The following KCNMB2 variants were observed in gnomAD, a reference collection of about 807,000 sequenced individuals.
The protein encoded by KCNMB2 is calcium-activated potassium channel subunit beta-2.
In KCNMB2, 9 loss-of-function variants were observed where a neutral mutation model predicts 24.5. The ratio of observed to expected loss-of-function variants is 0.37; its 90% CI spans 0.22 to 0.64. The LOEUF is 0.64. KCNMB2 is among the 30% of genes least tolerant of loss of function. KCNMB2 has a pLI of 0.63. For missense variants in KCNMB2, 226 were observed against 284.3 expected (o/e 0.79, Z 1.47); for synonymous variants, 109 against 104.4 (o/e 1.04, Z -0.27).
At chr3:178,648,387 A>C (rs1411102508) in intron 1 of KCNMB2, among the ~76,000 whole-genome samples, 4 of 152,144 alleles carry the variant, frequency 2.6e-5, no homozygotes, top group African/African-American at 9.7e-5. Context: ...AAAAATTAAA[A>C]CATTAGCCAA....
intron 1 of KCNMB2, among the ~76,000 whole-genome samples, chr3:178,797,102 G>C (rs185782242): frequency 1.3e-5 from 2 of 152,174 alleles, no homozygotes; most frequent in South Asian, 4.1e-4. Flanking sequence ...AGACTACTAC[G>C]AGCAACTATA....
chr3:178,698,490 TG>T (rs1166823207), intron 1 of KCNMB2, among the ~76,000 whole-genome samples: 7 of 152,372 alleles, frequency 4.6e-5, no homozygotes, highest in East Asian at 1.9e-4. Flanking sequence ...TTATTTTTAC[TG>T]GTTATTTGTC....
intron 1 of KCNMB2, among the ~76,000 whole-genome samples, chr3:178,743,373 A>G (rs1723556598): frequency 6.6e-6 from 1 of 152,176 alleles, no homozygotes; most frequent in Non-Finnish European, 1.5e-5. Flanking sequence ...GATGCCCACC[A>G]CACTTCCTCC....
chr3:178,725,904 T>C (rs1722952372), intron 1 of KCNMB2, among the ~76,000 whole-genome samples: 1 of 151,974 alleles, frequency 6.6e-6, no homozygotes, highest in Non-Finnish European at 1.5e-5. Context: ...TAACAATCTC[T>C]ATGTTTTAGT....
At position 178,792,226 on chromosome 3, in the gene KCNMB2, T is replaced by A. The variant is rs113465753; in HGVS notation, c.-67-15117T>A. 2.9e-3 allele frequency among the ~76,000 whole-genome samples: 437 copies of A among 152,302 alleles called. 5 individuals carry two copies. The highest frequency in any genetic ancestry group is 9.8e-3 in the African/African-American group (407 of 41,578). On this transcript the variant is annotated intron_variant, in intron 1 of 4. Transcript: ENST00000452583. ...ATAATAAGGAATAAATAGAAATGAC[T>A]AAAAGTTTAAAAGTGGGATGAATTG...
At chr3:178,606,509 G>C (rs1037403659) in intron 1 of KCNMB2, among the ~76,000 whole-genome samples, 1 of 114,364 alleles carries the variant, frequency 8.7e-6, no homozygotes, top group Non-Finnish European at 1.9e-5. Context: ...TCTTTCCTTT[G>C]TCTGAGCCAT....
At chr3:178,812,699 G>C (rs1440504361) in intron 2 of KCNMB2, among the ~76,000 whole-genome samples, 1 of 151,930 alleles carries the variant, frequency 6.6e-6, no homozygotes, top group Non-Finnish European at 1.5e-5. Context: ...TTATTGGAGA[G>C]TTTCTCCTTT....
At chr3:178,794,100 TAC>T (rs1713435907) in intron 1 of KCNMB2, among the ~76,000 whole-genome samples, 1 of 152,082 alleles carries the variant, frequency 6.6e-6, no homozygotes, top group Admixed American at 6.6e-5. Flanking sequence ...TGGCCCCAGG[TAC>T]AGAGGTGAAC....
chr3:178,723,251 TA>T (rs1273102992), intron 1 of KCNMB2, among the ~76,000 whole-genome samples: 1 of 152,242 alleles, frequency 6.6e-6, no homozygotes, highest in Admixed American at 6.5e-5. Context: ...GTGATATCTT[TA>T]AAATATCCTG....
intron 1 of KCNMB2, among the ~76,000 whole-genome samples, chr3:178,655,092 C>A (rs866790248): frequency 5.9e-5 from 7 of 118,062 alleles, no homozygotes; most frequent in African/African-American, 2.3e-4. Context: ...AATATTAGCT[C>A]TCCCTCTCTC....
chr3:178,631,799 T>G (rs1719331322), intron 1 of KCNMB2, among the ~76,000 whole-genome samples: 1 of 152,228 alleles, frequency 6.6e-6, no homozygotes, highest in African/African-American at 2.4e-5. Context: ...TACTCAAAGT[T>G]AACTGCACTA....
intron 1 of KCNMB2, among the ~76,000 whole-genome samples, chr3:178,549,413 C>A (rs1057175337): frequency 4.7e-5 from 7 of 148,246 alleles, no homozygotes; most frequent in Admixed American, 1.3e-4. Flanking sequence ...TGGGTTCAAG[C>A]GATTCTCCTG....
intron 1 of KCNMB2, among the ~76,000 whole-genome samples, chr3:178,781,484 C>T (rs929340131): frequency 3.3e-5 from 5 of 151,822 alleles, no homozygotes; most frequent in African/African-American, 1.2e-4. Flanking sequence ...CCCAGCTACT[C>T]GGGAGGCTGA....
intron 1 of KCNMB2, among the ~76,000 whole-genome samples, chr3:178,661,828 T>C (rs1164009015): frequency 6.6e-6 from 1 of 152,208 alleles, no homozygotes; most frequent in Non-Finnish European, 1.5e-5. Context: ...CTGCTCTACA[T>C]GTCTTTAATT....
At chr3:178,759,584 TAC>T (rs1466053495) in intron 1 of KCNMB2, among the ~76,000 whole-genome samples, 45 of 130,706 alleles carry the variant, frequency 3.4e-4, no homozygotes, top group African/African-American at 1.2e-3. Flanking sequence ...AGGATATATA[TAC>T]ATATATCTCT....
At chr3:178,590,270 G>T (rs1717616635) in intron 1 of KCNMB2, among the ~76,000 whole-genome samples, 1 of 151,994 alleles carries the variant, frequency 6.6e-6, no homozygotes, top group Admixed American at 6.6e-5. Flanking sequence ...CAAAAAGATT[G>T]GGTAGAACAA....
At chr3:178,842,043 T>C (rs1056165957) in intron 4 of KCNMB2, among the ~76,000 whole-genome samples, 2 of 152,364 alleles carry the variant, frequency 1.3e-5, no homozygotes, top group Non-Finnish European at 1.5e-5. Context: ...TCTGACCCAC[T>C]CATCTCAGCT....
chr3:178,747,424 G>A (rs910853652), intron 1 of KCNMB2, among the ~76,000 whole-genome samples: 1 of 152,192 alleles, frequency 6.6e-6, no homozygotes, highest in Non-Finnish European at 1.5e-5. Context: ...TATCACTGAT[G>A]TAGAATTAGC....
chr3:178,840,295 A>T (rs974659468), intron 4 of KCNMB2, among the ~76,000 whole-genome samples: 6 of 152,164 alleles, frequency 3.9e-5, no homozygotes, highest in Non-Finnish European at 7.4e-5. Context: ...TCTGCAGGAT[A>T]CAGCCCCTGC....
Sources: gnomAD v4.1 joint callset for allele counts (sites outside exome capture counted in the v4.1 genomes callset) on GRCh38, gnomAD v4.1.1 for gene constraint, MANE v1.5 for transcripts, NCBI Gene and HGNC (gene_info 2026-07-23, HGNC 2026-07-21) for gene names.